The following ATP7B variants were observed in gnomAD, a reference collection of about 807,000 sequenced individuals.
The protein encoded by ATP7B is ATPase copper transporting beta, also known as copper-transporting ATPase 2.
Under a neutral mutation model 118.9 loss-of-function variants are expected in ATP7B, and 113 were observed. The observed-to-expected ratio is 0.95, with a 90% CI of 0.82 to 1.11. The LOEUF (loss-of-function observed/expected upper bound fraction) is 1.11, where lower values mean the gene tolerates loss of function less well. Among genes scored for constraint, ATP7B ranks in the 50% most tolerant of loss-of-function variants. The pLI is 0.00. For missense variants in ATP7B, 1,867 were observed against 1,871.4 expected (o/e 1.00, Z 0.04); for synonymous variants, 777 against 727.4 (o/e 1.07, Z -1.10).
chr13:51,971,193 T>C (rs1015364279), intron 2 of ATP7B, among the ~76,000 whole-genome samples: 1 of 152,196 alleles, frequency 6.6e-6, no homozygotes, highest in Non-Finnish European at 1.5e-5. Context: ...ACACTAATGG[T>C]TTATTCCAAA....
chr13:52,005,773 A>G (rs1953737914), intron 1 of ATP7B, among the ~76,000 whole-genome samples: 1 of 151,956 alleles, frequency 6.6e-6, no homozygotes, highest in African/African-American at 2.4e-5. Flanking sequence ...TTATACCAAC[A>G]CTCCACTTCT....
At chr13:51,964,717 G>T in intron 5 of ATP7B, 155 bp downstream of exon 5, 1 of 905,494 alleles carries the variant, frequency 1.1e-6, no homozygotes, top group Non-Finnish European at 1.6e-6. Flanking sequence ...CTTACCTGCA[G>T]TTTATTTTAA....
chr13:51,959,508 C>CA (rs1164449623), intron 7 of ATP7B: 1,985 of 58,026 alleles, frequency 0.034, 47 homozygotes, highest in African/African-American at 0.08. Context: ...GACCCTGTCT[C>CA]AAAAAAAAAA....
chr13:51,937,447 AC>A, intron 18 of ATP7B, 28 bp downstream of exon 18: 1 of 1,614,126 alleles, frequency 6.2e-7, no homozygotes, highest in Non-Finnish European at 8.5e-7. Flanking sequence ...CCCTCCCAGC[AC>A]CCACAGCCTG....
intron 1 of ATP7B, chr13:51,975,422 G>A: frequency 1.5e-6 from 1 of 649,978 alleles, no homozygotes; most frequent in Non-Finnish European, 2.9e-6. Flanking sequence ...CAACAGACGT[G>A]GAGGATTCTG....
intron 1 of ATP7B, among the ~76,000 whole-genome samples, chr13:51,995,674 T>G (rs1331965276): frequency 6.6e-6 from 1 of 152,188 alleles, no homozygotes; most frequent in Admixed American, 6.5e-5. Flanking sequence ...AAGACACCCT[T>G]CTACTCCTGA....
In ATP7B at chr13:51,967,249, A is replaced by G. The variant is rs965745146; in HGVS notation, c.1707+1195T>C. 3.7e-6 allele frequency: 3 copies of G among 802,926 alleles called. No individual in the cohort carries two copies. The Admixed American group carries it at 6.9e-5, about 19-fold the overall frequency. 49.7% of individuals were successfully genotyped at this position (802,926 alleles called of 1,614,324 possible). A position where few individuals can be genotyped will look rare whatever the true frequency, so the allele number is the denominator to read the frequency against. On this transcript the variant is annotated intron_variant, in intron 4 of 20. Coordinates refer to ENST00000242839, the MANE Select transcript of ATP7B (RefSeq NM_000053.4). Reference sequence around the variant, plus strand: ...CTGTTTCTTTCTTTTTTTTTTCATTACTGTGTTCAATTATCTTTATCACAA... The same window carrying G: ...CTGTTTCTTTCTTTTTTTTTTCATTGCTGTGTTCAATTATCTTTATCACAA...
chr13:51,990,482 AAAG>A (rs1229920873), intron 1 of ATP7B, among the ~76,000 whole-genome samples: 2 of 152,214 alleles, frequency 1.3e-5, no homozygotes, highest in Non-Finnish European at 2.9e-5. Context: ...ATGATGTTAA[AAAG>A]AAAAAAAAGT....
intron 1 of ATP7B, 27 bp from the exon 2 acceptor site, chr13:51,975,195 T>A (rs1952046835): frequency 6.2e-7 from 1 of 1,613,060 alleles, no homozygotes; most frequent in Non-Finnish European, 8.5e-7. Context: ...TAACATTTTT[T>A]AACCTTGAAA....
rs1419344592 is a variant in ATP7B at position 51,933,379 on chromosome 13, A to C, written c.*1377T>G. The C allele has an allele frequency of 6.6e-6, 1 of 152,224 alleles. No homozygotes were observed. Among genetic ancestry groups the C allele is most frequent in the African/African-American group, 2.4e-5 (1 of 41,452 alleles). The allele number at this position is 152,224 out of a possible 1,614,324, so 9.4% of individuals were successfully genotyped here. The stretch of plus-strand genomic sequence containing the variant: ...TGGTTGGGAGGATTAGACGTAATCT[A>C]TCAAAAGTGCTGCTAAAACTGCCCC... On this transcript the variant is annotated 3_prime_UTR_variant, in exon 21 of 21. Transcript: ENST00000242839.
chr13:51,975,303 A>G, intron 1 of ATP7B, 135 bp from the exon 2 acceptor site: 2 of 1,200,724 alleles, frequency 1.7e-6, no homozygotes, highest in Non-Finnish European at 1.2e-6. Context: ...AGAACATAAC[A>G]TACACAGAAA....
intron 2 of ATP7B, 103 bp downstream of exon 2, chr13:51,973,832 T>A (rs1951958377): frequency 6.5e-7 from 1 of 1,534,362 alleles, no homozygotes; most frequent in African/African-American, 1.4e-5. Context: ...ACTGTTGACA[T>A]GGGAGGCAGG....
chr13:51,941,789 G>A (rs1048969888), intron 15 of ATP7B, among the ~76,000 whole-genome samples: 1 of 152,190 alleles, frequency 6.6e-6, no homozygotes, highest in African/African-American at 2.4e-5. Flanking sequence ...GGGTTTTAAA[G>A]GCTGGAAGGT....
At chr13:51,967,127 G>C in intron 4 of ATP7B, 2 of 1,591,206 alleles carry the variant, frequency 1.3e-6, no homozygotes, top group Non-Finnish European at 1.7e-6. Flanking sequence ...ACCTGTACTC[G>C]GATCTATGAA....
intron 1 of ATP7B, among the ~76,000 whole-genome samples, chr13:51,996,227 C>A (rs1193096441): frequency 2.0e-5 from 3 of 152,202 alleles, no homozygotes; most frequent in Non-Finnish European, 1.5e-5. Context: ...CACAAACTGG[C>A]TAACAAGGCT....
In ATP7B at chr13:51,970,607, T is replaced by C. The variant is rs914451059; in HGVS notation, c.1428A>G (p.Ala476=). ...LPANHAPDIL[A]KSPQSTRAVA... ...CTGCTCTGGTTGATTGTGGGGACTT[T>C]GCCAAGATGTCCGGGGCATGGTTTG... Residue 476 remains alanine (A), a synonymous_variant, in exon 3 of 21, where the codon GCA becomes GCG. Transcript: ENST00000242839. 8.7e-6 allele frequency: 14 copies of C among 1,613,998 alleles called. No individual in the cohort carries two copies. The highest frequency in any genetic ancestry group is 1.6e-4 in the Middle Eastern group (1 of 6,084).
chr13:51,946,519 T>C (rs769053181), intron 12 of ATP7B, 41 bp from the exon 13 acceptor site: 21 of 1,605,564 alleles, frequency 1.3e-5, no homozygotes, highest in Non-Finnish European at 1.5e-5. Context: ...GAGAGTTCAA[T>C]AAGGAAGCTC....
In ATP7B at chr13:51,937,503, G is replaced by A. The variant is rs978231751; in HGVS notation, c.3876C>T (p.Ile1292=). ...VAIGTGTDVA[I]EAADVVLIRN... ...TGATAAGGACGACGTCGGCTGCCTC[G>A]ATGGCCACATCCGTGCCGGTGCCAA... The change falls in exon 18 of 21, where the codon ATC becomes ATT. Residue 1292 remains isoleucine, a synonymous_variant. Coordinates refer to ENST00000242839, the MANE Select transcript of ATP7B (RefSeq NM_000053.4). 2.9e-5 allele frequency: 46 copies of A among 1,613,918 alleles called. No homozygotes were observed. The highest frequency in any genetic ancestry group is 3.8e-5 in the Non-Finnish European group (45 of 1,179,988).
chr13:51,998,296 T>C (rs1953316283), intron 1 of ATP7B, among the ~76,000 whole-genome samples: 1 of 152,212 alleles, frequency 6.6e-6, no homozygotes, highest in African/African-American at 2.4e-5. Flanking sequence ...GTGCTCACTT[T>C]GGGAAACGTG....
Sources: allele counts gnomAD v4.1 joint callset (sites outside exome capture counted in the v4.1 genomes callset), GRCh38; gene constraint gnomAD v4.1.1; transcripts MANE v1.5; gene names NCBI Gene and HGNC (gene_info 2026-07-23, HGNC 2026-07-21).